FAIM2: variants seen among roughly 807,000 people sequenced by gnomAD.
FAIM2 encodes protein lifeguard 2.
A neutral mutation model predicts 47.4 loss-of-function variants in FAIM2; 27 were observed. The ratio of observed to expected loss-of-function variants is 0.57; its 90% confidence interval spans 0.42 to 0.78. The LOEUF (loss-of-function observed/expected upper bound fraction) is 0.78, where lower values mean the gene tolerates loss of function less well. FAIM2 is among the 30% of genes least tolerant of loss of function. FAIM2 has a pLI of 0.00. For synonymous variants in FAIM2, 156 were observed against 159.3 expected (o/e 0.98, Z 0.16); for missense variants, 311 against 389.4 (o/e 0.80, Z 1.69).
intron 11 of FAIM2, among the ~76,000 whole-genome samples, chr12:49,880,167 T>TGTGTCTGTGTGCATGC (rs146657856): frequency 1.4e-5 from 2 of 143,416 alleles, no homozygotes; most frequent in Admixed American, 1.4e-4. Context: ...TGCATGTGTG[T>TGTGTCTGTGTGCATGC]ATGTGTGTGT....
chr12:49,890,396 C>T (rs1226235091), intron 7 of FAIM2, among the ~76,000 whole-genome samples: 1 of 152,194 alleles, frequency 6.6e-6, no homozygotes, highest in African/African-American at 2.4e-5. Flanking sequence ...ACTTCTAAGA[C>T]CCTCCACTCT....
intron 8 of FAIM2, 39 bp downstream of exon 8, chr12:49,890,061 TGCCTGGCTCCAAGCCTG>T (rs1946888874): frequency 4.3e-5 from 66 of 1,524,154 alleles, no homozygotes; most frequent in Non-Finnish European, 5.7e-5. Flanking sequence ...GTGTGGCTGG[TGCCTGGCTCCAAGCCTG>T]GCCTATGGTC....
At chr12:49,891,425 T>C (rs1265741424) in intron 5 of FAIM2, among the ~76,000 whole-genome samples, 2 of 152,190 alleles carry the variant, frequency 1.3e-5, no homozygotes, top group Non-Finnish European at 2.9e-5. Context: ...AGCCCATATA[T>C]AGCATTTTCC....
intron 10 of FAIM2, among the ~76,000 whole-genome samples, chr12:49,888,601 A>G (rs975093732): frequency 6.6e-6 from 1 of 152,042 alleles, no homozygotes; most frequent in African/African-American, 2.4e-5. Context: ...CCTCTAAAAG[A>G]GCTGAGACTT....
chr12:49,894,949 C>T (rs7300027), intron 5 of FAIM2, among the ~76,000 whole-genome samples: 182 of 152,222 alleles, frequency 1.2e-3, no homozygotes, highest in African/African-American at 4.2e-3. Flanking sequence ...GGAAGAGACC[C>T]GGATGGAGTC....
At position 49,903,773 on chromosome 12, in the gene FAIM2, G is replaced by C. The variant is rs202015450; in HGVS notation, c.15+5C>G. On this transcript the variant is annotated splice_donor_5th_base_variant and intron_variant, in intron 1 of 11. Coordinates refer to ENST00000320634, the MANE Select transcript of FAIM2 (RefSeq NM_012306.4). ...GGATGGTGCAGGCTGGGGAGATGCC[G>C]GTACCTTTCCCTGGGTCATGGTGCC... 7.1e-6 allele frequency: 11 copies of C among 1,549,052 alleles called. No homozygotes were observed. Among genetic ancestry groups the C allele is most frequent in the African/African-American group, 6.9e-5 (5 of 72,782 alleles).
intron 6 of FAIM2, 40 bp from the exon 7 acceptor site, chr12:49,890,762 T>TG (rs1565618135): frequency 6.3e-7 from 1 of 1,586,652 alleles, no homozygotes; most frequent in Non-Finnish European, 8.7e-7. Context: ...TCGTAGGGGG[T>TG]GGGGGCAGTG....
Position 49,897,535 on chromosome 12 carries a change from C to T in FAIM2, c.364G>A (p.Ala122Thr). Residue 122 changes from alanine to threonine, a missense_variant, in exon 4 of 12, where the codon GCT becomes ACT. Transcript: ENST00000320634. Reference sequence around the variant, plus strand: ...CCAACTCACCAGAAAGTAAAGAGAGCCACGACAGCCAAGGTCACCAGCAGC... The same window carrying T: ...CCAACTCACCAGAAAGTAAAGAGAGTCACGACAGCCAAGGTCACCAGCAGC... ...IQLLVTLAVVALFTFCDPVKD... is the reference protein window; with the variant it reads ...IQLLVTLAVVTLFTFCDPVKD... 6.2e-7 allele frequency: 1 copy of T among 1,614,098 alleles called. No individual in the cohort carries two copies. The highest frequency in any genetic ancestry group is 8.5e-7 in the Non-Finnish European group (1 of 1,179,974).
At chr12:49,884,034 C>T (rs1369251308) in intron 11 of FAIM2, among the ~76,000 whole-genome samples, 2 of 151,902 alleles carry the variant, frequency 1.3e-5, no homozygotes, top group Non-Finnish European at 2.9e-5. Flanking sequence ...CCAGCCTGGC[C>T]AACATGGCAA....
chr12:49,902,291 T>G (rs755978013), intron 1 of FAIM2: 1 of 152,006 alleles, frequency 6.6e-6, no homozygotes, highest in Non-Finnish European at 1.5e-5. Flanking sequence ...TGGTGTGAAA[T>G]TGAAACAGCA....
At chr12:49,877,621 G>GTCTAAAAGTCATGC (rs370908720) in intron 11 of FAIM2, among the ~76,000 whole-genome samples, 7 of 152,088 alleles carry the variant, frequency 4.6e-5, no homozygotes, top group African/African-American at 9.7e-5. Context: ...CACTAGAAAA[G>GTCTAAAAGTCATGC]CAGGGTGAGG....
In FAIM2 at chr12:49,891,104, A is replaced by G; in HGVS notation, c.445T>C (p.Phe149Leu). The change falls in exon 6 of 12, where the codon TTT (phenylalanine) becomes CTT (leucine). Residue 149 changes from phenylalanine to leucine, a missense_variant. Coordinates refer to ENST00000320634, the MANE Select transcript of FAIM2 (RefSeq NM_012306.4). ...GWYWASYAVFFATYLTLACCS... is the reference protein window; with the variant it reads ...GWYWASYAVFLATYLTLACCS... ...CAAGCCAGGGTCAGGTAGGTTGCAA[A>G]GAACACAGCACTGTGAGAGACAGAT... is the stretch of plus-strand genomic sequence containing the variant. 6.2e-7 allele frequency: 1 copy of G among 1,614,144 alleles called. No individual in the cohort carries two copies. The highest frequency in any genetic ancestry group is 8.5e-7 in the Non-Finnish European group (1 of 1,179,996).
At chr12:49,891,545 A>AGCTACCAC (rs1946900415) in intron 5 of FAIM2, among the ~76,000 whole-genome samples, 1 of 152,162 alleles carries the variant, frequency 6.6e-6, no homozygotes, top group African/African-American at 2.4e-5. Flanking sequence ...AAGGCCATCC[A>AGCTACCAC]GCTACCACGC....
In FAIM2 at chr12:49,878,392, G is replaced by GTGTA. The variant is rs1555157916; in HGVS notation, c.802-7740_802-7739insTACA. On this transcript the variant is annotated intron_variant, in intron 11 of 11. Coordinates refer to ENST00000320634, the MANE Select transcript of FAIM2 (RefSeq NM_012306.4). ...TGGGCATGTGCATGTGTGTATATGT[G>GTGTA]TGTGTCTGTGTGCATGTGAGTGTAT... Among the ~76,000 whole-genome samples the GTGTA allele has an allele frequency of 1.1e-3, 144 of 125,238 alleles. 17 individuals are homozygous for GTGTA. Among genetic ancestry groups the GTGTA allele is most frequent in the South Asian group, 3.1e-3 (11 of 3,568 alleles). 82.2% of individuals were successfully genotyped at this position (125,238 alleles called of 152,430 possible).
intron 8 of FAIM2, among the ~76,000 whole-genome samples, 170 bp from the exon 9 acceptor site, chr12:49,889,738 C>A (rs1946886217): frequency 6.6e-6 from 1 of 152,154 alleles, no homozygotes; most frequent in Non-Finnish European, 1.5e-5. Context: ...TCTGTTGGGC[C>A]CTGCCCCTCC....
At position 49,880,778 on chromosome 12, in the gene FAIM2, G is replaced by C. The variant is rs146675468; in HGVS notation, c.801+6608C>G. Among the ~76,000 whole-genome samples the C allele has an allele frequency of 7.8e-3, 1,183 of 151,868 alleles. 16 individuals carry two copies. The highest frequency in any genetic ancestry group is 0.027 in the African/African-American group (1,129 of 41,428). On this transcript the variant is annotated intron_variant, in intron 11 of 11. Coordinates refer to ENST00000320634, the MANE Select transcript of FAIM2 (RefSeq NM_012306.4). ...TGCGCATGTGGGTATGTGTGTATAT[G>C]AGTGTGTATGTATATGTGTTTGTGC...
chr12:49,870,195 C>A lies in FAIM2; in HGVS notation c.*309G>T, dbSNP rs1046233922. On this transcript the variant is annotated 3_prime_UTR_variant, in exon 12 of 12. Transcript: ENST00000320634. ...TGGGTCTCTCTCCTGCATCTGAAAT[C>A]CTGCTAGGCTTCTCCTCCTTGTCCC... 3.7e-6 allele frequency: 1 copy of A among 270,028 alleles called. No homozygotes were observed. Among genetic ancestry groups the A allele is most frequent in the Non-Finnish European group, 7.1e-6 (1 of 141,434 alleles). The allele number at this position is 270,028 out of a possible 1,614,324, so 16.7% of individuals were successfully genotyped here.
At position 49,867,649 on chromosome 12, in the gene FAIM2, GC is replaced by G. The variant is rs1946672809; in HGVS notation, c.*2854del. ...GCTGCCTCCAGCTTTACAAAATCCA[GC>G]CCACCCCTTCCTGGGCCCAGCCCCA... On this transcript the variant is annotated 3_prime_UTR_variant, in exon 12 of 12. Coordinates refer to ENST00000320634, the MANE Select transcript of FAIM2 (RefSeq NM_012306.4). The G allele has an allele frequency of 6.6e-6, 1 of 152,258 alleles. No homozygotes were observed. Among genetic ancestry groups the G allele is most frequent in the Non-Finnish European group, 1.5e-5 (1 of 68,124 alleles). 9.4% of individuals were successfully genotyped at this position (152,258 alleles called of 1,614,324 possible). A position where few individuals can be genotyped will look rare whatever the true frequency, so the allele number is the denominator to read the frequency against.
intron 11 of FAIM2, among the ~76,000 whole-genome samples, chr12:49,881,602 C>T (rs73116325): frequency 0.28 from 41,897 of 152,042 alleles, 6,892 homozygotes; most frequent in Middle Eastern, 0.37. Context: ...CAGCCCCGCC[C>T]GACCCTCGTG....
Sources: allele counts gnomAD v4.1 joint callset (sites outside exome capture counted in the v4.1 genomes callset), GRCh38; gene constraint gnomAD v4.1.1; transcripts MANE v1.5; gene names NCBI Gene and HGNC (gene_info 2026-07-23, HGNC 2026-07-21).